ANKFN1: variants seen among roughly 807,000 people sequenced by gnomAD.
The protein encoded by ANKFN1 is ankyrin repeat and fibronectin type III domain containing 1, also known as ankyrin repeat and fibronectin type-III domain-containing protein 1.
In ANKFN1, 74 loss-of-function variants were observed where a neutral mutation model predicts 108.7. That is an observed-to-expected ratio of 0.68 (90% CI 0.56 to 0.83). ANKFN1 has a LOEUF of 0.83. ANKFN1 is among the 40% of genes least tolerant of loss of function. The pLI, the probability that ANKFN1 is intolerant of heterozygous loss-of-function variation, is 0.00. For missense variants in ANKFN1, 1,505 were observed against 1,382.3 expected (o/e 1.09, Z -1.41); for synonymous variants, 547 against 516.2 (o/e 1.06, Z -0.81).
chr17:56,193,576 G>A (rs1373065842), intron 1 of ANKFN1, among the ~76,000 whole-genome samples: 10 of 147,236 alleles, frequency 6.8e-5, no homozygotes, highest in South Asian at 4.2e-4. Flanking sequence ...TATTTGTAGC[G>A]TTTTAAAAAA....
chr17:56,507,194 T>A (rs1015981478), intron 20 of ANKFN1, among the ~76,000 whole-genome samples: 1 of 152,186 alleles, frequency 6.6e-6, no homozygotes, highest in Non-Finnish European at 1.5e-5. Context: ...CCTGCTATCA[T>A]CAAAAACAAT....
At chr17:56,387,561 T>C (rs1465184053) in intron 8 of ANKFN1, among the ~76,000 whole-genome samples, 1 of 152,222 alleles carries the variant, frequency 6.6e-6, no homozygotes, top group Non-Finnish European at 1.5e-5. Flanking sequence ...ACATTCTTAC[T>C]TGTGGCTAAC....
chr17:56,503,622 AG>A (rs1598733811), intron 20 of ANKFN1, among the ~76,000 whole-genome samples: 3 of 150,910 alleles, frequency 2.0e-5, no homozygotes, highest in Non-Finnish European at 4.4e-5. Flanking sequence ...CCTGCCTTTA[AG>A]AAAAAAGCAA....
chr17:56,271,962 G>C (rs892323689), intron 3 of ANKFN1, among the ~76,000 whole-genome samples: 4 of 152,022 alleles, frequency 2.6e-5, no homozygotes, highest in African/African-American at 9.7e-5. Flanking sequence ...ATATAAAAAG[G>C]GTACCCAATA....
At chr17:56,199,152 T>C (rs1913802772) in intron 1 of ANKFN1, among the ~76,000 whole-genome samples, 2 of 152,196 alleles carry the variant, frequency 1.3e-5, no homozygotes, top group South Asian at 4.1e-4. Flanking sequence ...AATTTTTTCC[T>C]ATAAGTCCTG....
chr17:56,186,792 A>T (rs1912252465), intron 1 of ANKFN1, among the ~76,000 whole-genome samples: 1 of 152,188 alleles, frequency 6.6e-6, no homozygotes, highest in Non-Finnish European at 1.5e-5. Context: ...GTGTTGTTAA[A>T]AATCGCACGG....
chr17:56,372,516 C>T (rs1233697258), intron 6 of ANKFN1, 130 bp from the exon 7 acceptor site: 5 of 794,810 alleles, frequency 6.3e-6, no homozygotes, highest in Non-Finnish European at 7.9e-6. Flanking sequence ...TGATAACAAA[C>T]ACAGATCCCA....
intron 4 of ANKFN1, among the ~76,000 whole-genome samples, chr17:56,095,196 G>T (rs1905510252): frequency 6.6e-6 from 1 of 151,054 alleles, no homozygotes; most frequent in Admixed American, 6.6e-5. Flanking sequence ...GGAAAAATAG[G>T]CCTTTTAAGA....
rs1452920253 is a variant in ANKFN1, at chr17:56,120,249, A to T, written c.288+73924A>T. 2.0e-5 allele frequency among the ~76,000 whole-genome samples: 3 copies of T among 152,154 alleles called. No individual in the cohort carries two copies. In the East Asian group the frequency reaches 5.8e-4, roughly 29 times the overall value. ...ACCTGCCATTCACAGCCCTGGGCTT[A>T]CACTGCTTTACTTGATCTGTTTCTA... On this transcript the variant is annotated intron_variant, in intron 4 of 12. Coordinates refer to the ANKFN1 transcript ENST00000635860.
intron 4 of ANKFN1, among the ~76,000 whole-genome samples, chr17:56,123,533 T>A (rs1439350571): frequency 6.6e-6 from 1 of 152,148 alleles, no homozygotes; most frequent in Non-Finnish European, 1.5e-5. Context: ...ACAGAAGATT[T>A]TCACTATAGC....
intron 15 of ANKFN1, among the ~76,000 whole-genome samples, chr17:56,467,806 GA>G (rs56100100): frequency 0.048 from 1,709 of 35,348 alleles, 66 homozygotes; most frequent in African/African-American, 0.17. Flanking sequence ...AAGAAAGAAA[GA>G]AAGAAAGAAA....
intron 6 of ANKFN1, among the ~76,000 whole-genome samples, chr17:56,356,524 AT>A (rs2144697531): frequency 6.6e-6 from 1 of 152,156 alleles, no homozygotes; most frequent in East Asian, 1.9e-4. Flanking sequence ...GTATCAGAAA[AT>A]TTCTTACTAT....
intron 4 of ANKFN1, among the ~76,000 whole-genome samples, chr17:56,079,124 G>A (rs991166959): frequency 6.6e-6 from 1 of 152,142 alleles, no homozygotes; most frequent in African/African-American, 2.4e-5. Flanking sequence ...TGTGGAAAAG[G>A]AGCCAAAGGT....
At chr17:56,367,986 A>G (rs945250784) in intron 6 of ANKFN1, 3 of 239,392 alleles carry the variant, frequency 1.3e-5, no homozygotes, top group Non-Finnish European at 2.5e-5. Flanking sequence ...GATGAAGATC[A>G]TGAATAAGTC....
intron 8 of ANKFN1, among the ~76,000 whole-genome samples, chr17:56,380,443 G>A (rs2047062856): frequency 6.6e-6 from 1 of 152,204 alleles, no homozygotes; most frequent in African/African-American, 2.4e-5. Flanking sequence ...GCAGGACAGT[G>A]GGTGCAGTGC....
At chr17:56,456,539 A>G (rs1159865130) in intron 11 of ANKFN1, among the ~76,000 whole-genome samples, 1 of 151,622 alleles carries the variant, frequency 6.6e-6, no homozygotes, top group Admixed American at 6.6e-5. Flanking sequence ...CTGTGACTAC[A>G]GACGTGCGCC....
At position 56,510,634 on chromosome 17, in the gene ANKFN1, G is replaced by A. The variant is rs1477683766; in HGVS notation, c.2806G>A (p.Ala936Thr). 4 of 1,536,002 alleles carry A rather than the reference G, an allele frequency of 2.6e-6. No individual in the cohort carries two copies. The highest frequency in any genetic ancestry group is 3.5e-6 in the Non-Finnish European group (4 of 1,146,904). Reference protein sequence around the residue: ...QQTLSGLSGSAPDVLQVHDVK... With the variant: ...QQTLSGLSGSTPDVLQVHDVK... ...GACCCTTAGCGGCCTAAGCGGCAGC[G>A]CCCCCGACGTCCTGCAAGTGCACGA... The change falls in exon 21 of 21, where the codon GCC (alanine) becomes ACC (threonine). Residue 936 changes from alanine (A) to threonine (T), a missense_variant. Ala to Thr is a moderately conservative substitution (Grantham distance 58). Coordinates refer to ENST00000682825, the MANE Select transcript of ANKFN1 (RefSeq NM_001370326.1).
intron 4 of ANKFN1, among the ~76,000 whole-genome samples, chr17:56,124,323 G>A (rs1361916267): frequency 2.6e-5 from 4 of 152,172 alleles, no homozygotes; most frequent in Admixed American, 6.5e-5. Flanking sequence ...GCTCAGTCAC[G>A]GAGCTGGTGG....
At chr17:56,214,719 C>T (rs985577529) in intron 2 of ANKFN1, among the ~76,000 whole-genome samples, 18 of 152,182 alleles carry the variant, frequency 1.2e-4, no homozygotes, top group Admixed American at 1.2e-3. Flanking sequence ...TCACTAATCC[C>T]AAAGGCTACT....
Sources: allele counts gnomAD v4.1 joint callset (sites outside exome capture counted in the v4.1 genomes callset), GRCh38; gene constraint gnomAD v4.1.1; transcripts MANE v1.5; gene names NCBI Gene and HGNC (gene_info 2026-07-23, HGNC 2026-07-21).